The following PODXL2 variants were observed in gnomAD, a reference collection of about 807,000 sequenced individuals.
PODXL2 encodes the protein podocalyxin like 2, also known as podocalyxin-like protein 2.
Under a neutral mutation model 53.4 loss-of-function variants are expected in PODXL2, and 17 were observed. The observed-to-expected ratio is 0.32, with a 90% confidence interval of 0.22 to 0.48. The LOEUF is 0.48. PODXL2 is among the 20% of genes least tolerant of loss of function. The probability of loss-of-function intolerance (pLI) is 0.99; values close to 1 mark genes in which losing one functional copy is unlikely to be tolerated. For missense variants in PODXL2, 673 were observed against 760.0 expected (o/e 0.89, Z 1.35); for synonymous variants, 311 against 306.7 (o/e 1.01, Z -0.15).
intron 2 of PODXL2, among the ~76,000 whole-genome samples, chr3:127,648,326 CTTG>C (rs966544816): frequency 6.6e-6 from 1 of 152,226 alleles, no homozygotes; most frequent in African/African-American, 2.4e-5. Flanking sequence ...ACAGCGAAGC[CTTG>C]TTGTGATTGT....
At chr3:127,664,732 C>T (rs143272439) in intron 4 of PODXL2, among the ~76,000 whole-genome samples, 110 of 151,750 alleles carry the variant, frequency 7.2e-4, no homozygotes, top group African/African-American at 2.6e-3. Context: ...AAAGTAATTG[C>T]GGTTTTTGCC....
intron 2 of PODXL2, among the ~76,000 whole-genome samples, chr3:127,643,479 G>T (rs2074634103): frequency 6.6e-6 from 1 of 151,914 alleles, no homozygotes; most frequent in South Asian, 2.1e-4. Flanking sequence ...CAAAGTGTTG[G>T]GATTACAGGC....
chr3:127,661,215 A>G, intron 3 of PODXL2, 56 bp downstream of exon 3: 1 of 1,378,686 alleles, frequency 7.3e-7, no homozygotes, highest in Non-Finnish European at 1.0e-6. Context: ...GAGCCTGGCC[A>G]TCCCCAGGGC....
At chr3:127,664,223 C>T (rs2074783038) in intron 4 of PODXL2, among the ~76,000 whole-genome samples, 1 of 152,110 alleles carries the variant, frequency 6.6e-6, no homozygotes, top group Non-Finnish European at 1.5e-5. Context: ...ACTCTGGATA[C>T]CTAATAGAAG....
Position 127,655,442 on chromosome 3 carries a change from TAGC to T in PODXL2, c.350-4933_350-4931del, listed in dbSNP as rs957133054. Among the ~76,000 whole-genome samples the T allele has an allele frequency of 7.4e-4, 112 of 152,024 alleles. 1 individual carries two copies. The highest frequency in any genetic ancestry group is 2.5e-3 in the African/African-American group (103 of 41,416). The stretch of plus-strand genomic sequence containing the variant: ...ATGATAATAACAACAACAATAATAA[TAGC>T]AGGAGGAGGTGGAGGACCCCCCACA... On this transcript the variant is annotated intron_variant, in intron 2 of 7. Transcript: ENST00000342480.
chr3:127,664,470 C>A (rs1392341176), intron 4 of PODXL2, among the ~76,000 whole-genome samples: 1 of 151,968 alleles, frequency 6.6e-6, no homozygotes, highest in Non-Finnish European at 1.5e-5. Flanking sequence ...ATGTGCTGTG[C>A]AAATATATCT....
intron 4 of PODXL2, among the ~76,000 whole-genome samples, chr3:127,662,552 C>A (rs1227453480): frequency 6.6e-6 from 1 of 152,230 alleles, no homozygotes; most frequent in African/African-American, 2.4e-5. Context: ...ATACTTTGTT[C>A]ATGTGTGCAC....
At chr3:127,646,358 A>G (rs916526120) in intron 2 of PODXL2, among the ~76,000 whole-genome samples, 6 of 150,878 alleles carry the variant, frequency 4.0e-5, no homozygotes, top group East Asian at 1.9e-4. Flanking sequence ...GTCATATTCT[A>G]TGTGGTACTT....
At chr3:127,636,942 G>C (rs1439763379) in intron 1 of PODXL2, among the ~76,000 whole-genome samples, 1 of 152,142 alleles carries the variant, frequency 6.6e-6, no homozygotes, top group African/African-American at 2.4e-5. Context: ...TCCTGCCTTA[G>C]CCTACCAAGT....
chr3:127,671,500 T>G lies in PODXL2; in HGVS notation c.1492T>G (p.Tyr498Asp). 4 of 1,614,170 alleles carry G rather than the reference T, an allele frequency of 2.5e-6. No individual in the cohort carries two copies. Among genetic ancestry groups the G allele is most frequent in the Non-Finnish European group, 3.4e-6 (4 of 1,180,024 alleles). Residue 498 changes from tyrosine to aspartate, a missense_variant, in exon 7 of 8, where the codon TAC becomes GAC. By Grantham distance (160) the Tyr-to-Asp change is radical. Coordinates refer to ENST00000342480, the MANE Select transcript of PODXL2 (RefSeq NM_015720.4). ...GCGGGCCAGCCAGGTGCGCAGCGAC[T>G]ACGGCACGCTCTTCGTGGTGCTGGT... ...QARASQVRSD[Y>D]GTLFVVLVVI... is the part of the protein sequence containing the mutation.
At position 127,639,538 on chromosome 3, in the gene PODXL2, C is replaced by G. The variant is rs1393270636; in HGVS notation, c.349+15C>G. 6.3e-7 allele frequency: 1 copy of G among 1,599,342 alleles called. No homozygotes were observed. Among genetic ancestry groups the G allele is most frequent in the South Asian group, 1.1e-5 (1 of 88,880 alleles). ...ACCCACTGCAGGTAGCTCTTCTTAC[C>G]TACAGAGCATGTGTTGAGTGCCAGC... On this transcript the variant is annotated intron_variant, in intron 2 of 7. Coordinates refer to ENST00000342480, the MANE Select transcript of PODXL2 (RefSeq NM_015720.4).
At chr3:127,630,585 A>G (rs1460466735) in intron 1 of PODXL2, among the ~76,000 whole-genome samples, 1 of 152,178 alleles carries the variant, frequency 6.6e-6, no homozygotes, top group Non-Finnish European at 1.5e-5. Flanking sequence ...GAGGTGGGCC[A>G]TGAACCTGGG....
At position 127,660,565 on chromosome 3, in the gene PODXL2, G is replaced by A. The variant is rs1466475240; in HGVS notation, c.537G>A (p.Glu179=). The A allele has an allele frequency of 6.8e-6, 11 of 1,613,984 alleles. No individual in the cohort carries two copies. Among genetic ancestry groups the A allele is most frequent in the South Asian group, 4.4e-5 (4 of 91,064 alleles). ...AGGAGAGGGAGAAGGAAGAGGTAGA[G>A]AAACAAGAGGAGGAGGAAGAGGAGG... is the stretch of plus-strand genomic sequence containing the variant. The part of the protein sequence containing the change: ...EEEEREKEEV[E]KQEEEEEEEL... Residue 179 remains glutamate, a synonymous_variant, in exon 3 of 8, where the codon GAG becomes GAA. Transcript: ENST00000342480.
intron 6 of PODXL2, among the ~76,000 whole-genome samples, chr3:127,670,239 A>C (rs543458938): frequency 1.3e-5 from 2 of 152,260 alleles, no homozygotes; most frequent in South Asian, 4.1e-4. Context: ...CTGAAGCGGG[A>C]GAGGTTAGGT....
At chr3:127,655,971 C>T (rs755407615) in intron 2 of PODXL2, among the ~76,000 whole-genome samples, 1 of 152,232 alleles carries the variant, frequency 6.6e-6, no homozygotes, top group Non-Finnish European at 1.5e-5. Context: ...TGTGCAGTGA[C>T]GGGAGGGCCT....
chr3:127,640,028 A>C (rs959878061), intron 2 of PODXL2, among the ~76,000 whole-genome samples: 1 of 152,232 alleles, frequency 6.6e-6, no homozygotes, highest in Non-Finnish European at 1.5e-5. Flanking sequence ...CAATTGAGGC[A>C]TTCTAACCGC....
At chr3:127,670,850 C>T (rs1274214586) in intron 6 of PODXL2, among the ~76,000 whole-genome samples, 1 of 152,222 alleles carries the variant, frequency 6.6e-6, no homozygotes, top group Non-Finnish European at 1.5e-5. Context: ...CAACCTGCAG[C>T]GTGGAGGGAT....
intron 2 of PODXL2, among the ~76,000 whole-genome samples, chr3:127,640,040 C>T (rs1336789126): frequency 6.6e-6 from 1 of 152,256 alleles, no homozygotes; most frequent in African/African-American, 2.4e-5. Context: ...TCTAACCGCC[C>T]TTCCCTCAGT....
At chr3:127,656,463 G>A (rs921512581) in intron 2 of PODXL2, among the ~76,000 whole-genome samples, 8 of 150,348 alleles carry the variant, frequency 5.3e-5, no homozygotes, top group African/African-American at 9.8e-5. Flanking sequence ...GGTGTTGGGC[G>A]CGGTGGTTCA....
Sources: allele counts gnomAD v4.1 joint callset (sites outside exome capture counted in the v4.1 genomes callset), GRCh38; gene constraint gnomAD v4.1.1; transcripts MANE v1.5; gene names NCBI Gene and HGNC (gene_info 2026-07-23, HGNC 2026-07-21).